DAZAP1: variants seen among roughly 807,000 people sequenced by gnomAD.
The protein encoded by DAZAP1 is DAZ associated protein 1, also known as DAZ-associated protein 1.
Under a neutral mutation model 60.1 loss-of-function variants are expected in DAZAP1, and 6 were observed. The ratio of observed to expected loss-of-function variants is 0.10; its 90% CI spans 0.05 to 0.20. The LOEUF (loss-of-function observed/expected upper bound fraction) is 0.20, where lower values mean the gene tolerates loss of function less well. Ranked by LOEUF, DAZAP1 falls within the 10% of genes least tolerant of loss-of-function variation. The probability of loss-of-function intolerance (pLI) is 1.00; values close to 1 mark genes in which losing one functional copy is unlikely to be tolerated. For missense variants in DAZAP1, 366 were observed against 560.4 expected (o/e 0.65, Z 3.50); for synonymous variants, 235 against 215.9 (o/e 1.09, Z -0.78).
chr19:1,422,320 C>G lies in DAZAP1; in HGVS notation c.415-28C>G. The G allele has an allele frequency of 6.2e-7, 1 of 1,612,260 alleles. No individual in the cohort carries two copies. Among genetic ancestry groups the G allele is most frequent in the South Asian group, 1.1e-5 (1 of 91,024 alleles). On this transcript the variant is annotated intron_variant, in intron 5 of 11. Coordinates refer to ENST00000233078, the MANE Select transcript of DAZAP1 (RefSeq NM_018959.4). The surrounding 1 kb of genome is among the most constrained non-coding windows in gnomAD (Gnocchi z 4.5). ...CCACCTGTGGTGCTGGCCCTGGTGT[C>G]CGTGCTGACGCCACCCTCTCCTTCC...
At chr19:1,417,929 C>T (rs1021071295) in intron 2 of DAZAP1, among the ~76,000 whole-genome samples, 4 of 152,176 alleles carry the variant, frequency 2.6e-5, no homozygotes, top group Non-Finnish European at 4.4e-5. Context: ...TCTTGTTTGC[C>T]TTGCCTTAAA....
rs1461864912 is a variant in DAZAP1 at position 1,435,011 on chromosome 19, TGGGGGGGGGGGC to T, written c.*106_*117del. On this transcript the variant is annotated 3_prime_UTR_variant, in exon 12 of 12. Coordinates refer to ENST00000233078, the MANE Select transcript of DAZAP1 (RefSeq NM_018959.4). ...TGGCGGCAAAGTGGCGACTCAACCT[TGGGGGGGGGGGC>T]GGGGGGAGGGCGCGAGGCTTTTGGA... 4 of 18,356 alleles carry T rather than the reference TGGGGGGGGGGGC, an allele frequency of 2.2e-4. 1 individual carries two copies. The highest frequency in any genetic ancestry group is 3.4e-4 in the Non-Finnish European group (3 of 8,916). 1.1% of individuals were successfully genotyped at this position (18,356 alleles called of 1,614,324 possible). A position where few individuals can be genotyped will look rare whatever the true frequency, so the allele number is the denominator to read the frequency against.
At chr19:1,413,198 G>A (rs1335624240) in intron 1 of DAZAP1, among the ~76,000 whole-genome samples, 1 of 152,230 alleles carries the variant, frequency 6.6e-6, no homozygotes, top group Non-Finnish European at 1.5e-5. Context: ...CGGACCGCCA[G>A]CCCCGTAGCA....
intron 1 of DAZAP1, among the ~76,000 whole-genome samples, chr19:1,408,364 C>A (rs1282667292): frequency 6.6e-6 from 1 of 152,070 alleles, no homozygotes; most frequent in African/African-American, 2.4e-5. Context: ...CCGCCGCCTC[C>A]CGGCTTCCTG....
intron 1 of DAZAP1, 154 bp from the exon 2 acceptor site, chr19:1,417,346 G>T: frequency 5.0e-6 from 4 of 801,334 alleles, no homozygotes; most frequent in Non-Finnish European, 8.3e-6. Context: ...AGGCTGACTC[G>T]CCATTGCTGT....
At chr19:1,409,151 C>T (rs531810685) in intron 1 of DAZAP1, among the ~76,000 whole-genome samples, 2 of 152,228 alleles carry the variant, frequency 1.3e-5, no homozygotes, top group Non-Finnish European at 2.9e-5. Flanking sequence ...TGCTGTGAGT[C>T]CTCTCCAGGC....
At position 1,429,002 on chromosome 19, in the gene DAZAP1, C is replaced by T. The variant is rs772822346; in HGVS notation, c.700+7C>T. 1 of 1,579,394 alleles carries T rather than the reference C, an allele frequency of 6.3e-7. No homozygotes were observed. The highest frequency in any genetic ancestry group is 1.2e-5 in the South Asian group (1 of 86,906). On this transcript the variant is annotated splice_region_variant and intron_variant, in intron 8 of 11. Transcript: ENST00000233078. ...CAAGGATATGGCCCGCAAGGTAAGG[C>T]TGATGCAGAGGTGCCCACGGGAATG...
Position 1,430,273 on chromosome 19 carries a change from CGTTCACCTCCTACATCGTGT to C in DAZAP1, c.783_802del (p.Phe262HisfsTer158). 1.4e-6 allele frequency: 2 copies of C among 1,429,610 alleles called. No homozygotes were observed. The highest frequency in any genetic ancestry group is 9.6e-7 in the Non-Finnish European group (1 of 1,036,398). 88.6% of individuals were successfully genotyped at this position (1,429,610 alleles called of 1,614,324 possible). On this transcript the variant is annotated frameshift_variant, in exon 10 of 12. Coordinates refer to ENST00000233078, the MANE Select transcript of DAZAP1 (RefSeq NM_018959.4). LOFTEE classifies it high-confidence loss of function. The stretch of plus-strand genomic sequence containing the variant: ...AGAGGAGCCCCCCCGCCACCCCCAC[CGTTCACCTCCTACATCGTGT>C]CCACCCCTCCTGGAGGCTTTCCCCC...
intron 1 of DAZAP1, among the ~76,000 whole-genome samples, chr19:1,408,292 C>T (rs910174666): frequency 1.6e-4 from 25 of 151,928 alleles, no homozygotes; most frequent in Non-Finnish European, 7.4e-5. Context: ...GTAGGGCTTC[C>T]TGGCCTGGGG....
At chr19:1,412,158 T>C (rs2082849405) in intron 1 of DAZAP1, among the ~76,000 whole-genome samples, 1 of 152,124 alleles carries the variant, frequency 6.6e-6, no homozygotes, top group Non-Finnish European at 1.5e-5. Flanking sequence ...CGCGTTCCAG[T>C]TCACGGACCG....
At chr19:1,410,266 C>T (rs1268682888) in intron 1 of DAZAP1, among the ~76,000 whole-genome samples, 1 of 152,130 alleles carries the variant, frequency 6.6e-6, no homozygotes, top group African/African-American at 2.4e-5. Context: ...TTGAGGGGGG[C>T]TTCATGCAGG....
rs2144663704 is a variant in DAZAP1, at chr19:1,407,716, C to T, written c.-58C>T. 4 of 1,061,014 alleles carry T rather than the reference C, an allele frequency of 3.8e-6. No individual in the cohort carries two copies. Among genetic ancestry groups the T allele is most frequent in the Non-Finnish European group, 4.5e-6 (4 of 880,586 alleles). 65.7% of individuals were successfully genotyped at this position (1,061,014 alleles called of 1,614,324 possible). A position where few individuals can be genotyped will look rare whatever the true frequency, so the allele number is the denominator to read the frequency against. Reference sequence around the variant, plus strand: ...GAGGGCGACGGAGCGGGTGACCTTCCGGAGGCGGGAGCGAGCGAGGAGGCC... The same window carrying T: ...GAGGGCGACGGAGCGGGTGACCTTCTGGAGGCGGGAGCGAGCGAGGAGGCC... On this transcript the variant is annotated 5_prime_UTR_variant, in exon 1 of 12. Coordinates refer to ENST00000233078, the MANE Select transcript of DAZAP1 (RefSeq NM_018959.4).
Position 1,422,503 on chromosome 19 carries a change from T to G in DAZAP1, c.463+107T>G. 1 of 1,034,772 alleles carries G rather than the reference T, an allele frequency of 9.7e-7. No homozygotes were observed. The highest frequency in any genetic ancestry group is 1.5e-6 in the Non-Finnish European group (1 of 679,324). The allele number at this position is 1,034,772 out of a possible 1,614,324, so 64.1% of individuals were successfully genotyped here. ...CAGGTGGCGGCTGTAGCAAACAGCC[T>G]CAGGAAGGGACGATTTGGAGACAAA... On this transcript the variant is annotated intron_variant, in intron 6 of 11. Transcript: ENST00000233078. The surrounding 1 kb of genome is among the most constrained non-coding windows in gnomAD (Gnocchi z 4.5).
At position 1,418,875 on chromosome 19, in the gene DAZAP1, A is replaced by C. The variant is rs2083065499; in HGVS notation, c.303+144A>C. On this transcript the variant is annotated intron_variant, in intron 4 of 11. Coordinates refer to ENST00000233078, the MANE Select transcript of DAZAP1 (RefSeq NM_018959.4). This position sits in a 1 kb window ranked among gnomAD's most constrained non-coding sequence, Gnocchi z 5.7. ...GTTGGCACTCGAGCAGCTGAGGATC[A>C]CCCAGATTTATCAGTGCCGTGAGTG... The C allele has an allele frequency of 5.8e-5, 45 of 772,118 alleles. No individual in the cohort carries two copies. The highest frequency in any genetic ancestry group is 2.1e-6 in the Non-Finnish European group (1 of 482,232). 47.8% of individuals were successfully genotyped at this position (772,118 alleles called of 1,614,324 possible). A position where few individuals can be genotyped will look rare whatever the true frequency, so the allele number is the denominator to read the frequency against.
rs1569110013 is a variant in DAZAP1 at position 1,434,614 on chromosome 19, C to T, written c.1049-123C>T. ...GGTGCTGGCCTCAGAAGGGCCCCACCCGCACCCCGTGGGACCCGTGGACTC... is the reference window on the plus strand; with the variant it reads ...GGTGCTGGCCTCAGAAGGGCCCCACTCGCACCCCGTGGGACCCGTGGACTC... On this transcript the variant is annotated intron_variant, in intron 11 of 11. Transcript: ENST00000233078. This position sits in a 1 kb window ranked among gnomAD's most constrained non-coding sequence, Gnocchi z 8.0. 7 of 1,018,838 alleles carry T rather than the reference C, an allele frequency of 6.9e-6. No individual in the cohort carries two copies. The South Asian group carries it at 9.3e-5, about 13-fold the overall frequency. The allele number at this position is 1,018,838 out of a possible 1,614,324, so 63.1% of individuals were successfully genotyped here. A position where few individuals can be genotyped will look rare whatever the true frequency, so the allele number is the denominator to read the frequency against.
In DAZAP1 at chr19:1,434,442, C is replaced by G; in HGVS notation, c.1049-295C>G. ...CCGAGGCTTCTCTACCTCCCCTCAC[C>G]CCCCCAACCACGTCTTCGGGATTGA... On this transcript the variant is annotated intron_variant, in intron 11 of 11. Coordinates refer to ENST00000233078, the MANE Select transcript of DAZAP1 (RefSeq NM_018959.4). This position sits in a 1 kb window ranked among gnomAD's most constrained non-coding sequence, Gnocchi z 8.0. 1 of 361,960 alleles carries G rather than the reference C, an allele frequency of 2.8e-6. No individual in the cohort carries two copies. Among genetic ancestry groups the G allele is most frequent in the South Asian group, 3.8e-5 (1 of 26,606 alleles). The allele number at this position is 361,960 out of a possible 1,614,324, so 22.4% of individuals were successfully genotyped here.
At chr19:1,417,401 G>C in intron 1 of DAZAP1, 99 bp from the exon 2 acceptor site, 1 of 1,368,542 alleles carries the variant, frequency 7.3e-7, no homozygotes, top group Non-Finnish European at 1.0e-6. Context: ...TGCGTCAGCT[G>C]CTTCTGTGGT....
Position 1,433,021 on chromosome 19 carries a change from TGTGGGTCCCGGGTGCACTGGCCCCTTG to T in DAZAP1, c.1048+338_1048+364del. ...ACTGTCTAGAGGTTCAGGCCCTCGG[TGTGGGTCCCGGGTGCACTGGCCCCTTG>T]GTGGGTTCCAGTTTCTGGCGTCATC... On this transcript the variant is annotated intron_variant, in intron 11 of 11. Transcript: ENST00000233078. The surrounding 1 kb of genome is among the most constrained non-coding windows in gnomAD (Gnocchi z 6.1). 2 of 280,052 alleles carry T rather than the reference TGTGGGTCCCGGGTGCACTGGCCCCTTG, an allele frequency of 7.1e-6. No homozygotes were observed. The highest frequency in any genetic ancestry group is 1.4e-5 in the Non-Finnish European group (2 of 147,648). 17.3% of individuals were successfully genotyped at this position (280,052 alleles called of 1,614,324 possible).
rs530799235 is a variant in DAZAP1, at chr19:1,429,716, C to T, written c.701-251C>T. Among the ~76,000 whole-genome samples the T allele has an allele frequency of 6.6e-5, 10 of 152,356 alleles. No homozygotes were observed. In the East Asian group the frequency reaches 1.9e-3, roughly 29 times the overall value. On this transcript the variant is annotated intron_variant, in intron 8 of 11. Transcript: ENST00000233078. Reference sequence around the variant, plus strand: ...TGGAGCCGGGAGGTCACCCGTGCCCCAGTCAGCAGACACAGTGCCCGCCAC... The same window carrying T: ...TGGAGCCGGGAGGTCACCCGTGCCCTAGTCAGCAGACACAGTGCCCGCCAC...
Sources: allele counts gnomAD v4.1 joint callset (sites outside exome capture counted in the v4.1 genomes callset), GRCh38; gene constraint gnomAD v4.1.1; non-coding constraint Gnocchi (gnomAD v3.1); transcripts MANE v1.5; gene names NCBI Gene and HGNC (gene_info 2026-07-23, HGNC 2026-07-21).